Variants in AGBL2 observed in about 807,000 individuals in gnomAD.
AGBL2 encodes cytosolic carboxypeptidase 2.
In AGBL2, 87 loss-of-function variants were observed where a neutral mutation model predicts 103.0. The ratio of observed to expected loss-of-function variants is 0.84; its 90% CI spans 0.71 to 1.01. AGBL2 has a LOEUF of 1.01. AGBL2 is among the 50% of genes least tolerant of loss of function. The pLI, the probability that AGBL2 is intolerant of heterozygous loss-of-function variation, is 0.00. For missense variants in AGBL2, 904 were observed against 1,023.5 expected, an observed-to-expected ratio of 0.88 and a Z score of 1.59; for synonymous variants, 335 against 356.7, an observed-to-expected ratio of 0.94 and a Z score of 0.69.
rs375204404 is a variant in AGBL2, at chr11:47,690,358, G to T, written c.1349C>A (p.Ala450Asp). ...ACTCAAGACCACAGCTTTCTTTGCA[G>T]CTGCCTCTTGAGGGGTCTGGGATGG... ...TNPSQTPQEA[A>D]AKKAVVLSAR... Residue 450 changes from alanine (A) to aspartate (D), a missense_variant, in exon 10 of 19, where the codon GCT (alanine) becomes GAT (aspartate). Coordinates refer to ENST00000525123, the MANE Select transcript of AGBL2 (RefSeq NM_024783.4). The T allele has an allele frequency of 4.3e-6, 7 of 1,614,052 alleles. No individual in the cohort carries two copies. The African/African-American group carries it at 8.0e-5, about 18-fold the overall frequency.
At chr11:47,666,377 G>GTC (rs2097341316) in intron 17 of AGBL2, among the ~76,000 whole-genome samples, 1 of 142,726 alleles carries the variant, frequency 7.0e-6, no homozygotes, top group Admixed American at 7.2e-5. Context: ...GGGTAACAGA[G>GTC]TAAGACTCCA....
Position 47,690,362 on chromosome 11 carries a change from C to T in AGBL2, c.1345G>A (p.Ala449Thr). The change falls in exon 10 of 19, where the codon GCA becomes ACA. Residue 449 changes from alanine (A) to threonine (T), a missense_variant. Physicochemically the swap from Ala to Thr is moderately conservative, Grantham distance 58. Transcript: ENST00000525123. ...ITNPSQTPQE[A>T]AAKKAVVLSA... ...AAGACCACAGCTTTCTTTGCAGCTG[C>T]CTCTTGAGGGGTCTGGGATGGGTTG... 6.2e-7 allele frequency: 1 copy of T among 1,614,008 alleles called. No individual in the cohort carries two copies. The highest frequency in any genetic ancestry group is 8.5e-7 in the Non-Finnish European group (1 of 1,179,946).
chr11:47,660,119 T>C lies in AGBL2; in HGVS notation c.*54A>G. 2 of 1,538,342 alleles carry C rather than the reference T, an allele frequency of 1.3e-6. No individual in the cohort carries two copies. The highest frequency in any genetic ancestry group is 1.8e-6 in the Non-Finnish European group (2 of 1,135,674). On this transcript the variant is annotated 3_prime_UTR_variant, in exon 19 of 19. Transcript: ENST00000525123. Reference sequence around the variant, plus strand: ...CATACATCTCCCCCATTATAAAATGTGTCTAATCTCAAAACCCCCGATGAA... The same window carrying C: ...CATACATCTCCCCCATTATAAAATGCGTCTAATCTCAAAACCCCCGATGAA...
intron 8 of AGBL2, among the ~76,000 whole-genome samples, chr11:47,693,916 G>A (rs1478049474): frequency 1.3e-5 from 2 of 152,130 alleles, no homozygotes; most frequent in African/African-American, 4.8e-5. Flanking sequence ...TTGGCTAGGT[G>A]TAGTGGCTCA....
chr11:47,681,738 G>A (rs1262782784), intron 12 of AGBL2, among the ~76,000 whole-genome samples: 2 of 152,162 alleles, frequency 1.3e-5, no homozygotes, highest in African/African-American at 4.8e-5. Flanking sequence ...GATTACAGGC[G>A]TGAGCCACTG....
At chr11:47,704,798 A>C in intron 6 of AGBL2, 70 bp from the exon 7 acceptor site, 1 of 1,205,302 alleles carries the variant, frequency 8.3e-7, no homozygotes, top group Non-Finnish European at 1.2e-6. Context: ...CTCATCTATA[A>C]CAATGAAACT....
In AGBL2 at chr11:47,690,867, G is replaced by A. The variant is rs2097442485; in HGVS notation, c.849-9C>T. On this transcript the variant is annotated splice_polypyrimidine_tract_variant and intron_variant, in intron 9 of 18. Transcript: ENST00000525123. ...CATACTCATAGGTGTCTCTGTAATGGAGAAAATAGAACAACTCTGTAAGCT... is the reference window on the plus strand; with the variant it reads ...CATACTCATAGGTGTCTCTGTAATGAAGAAAATAGAACAACTCTGTAAGCT... 4 of 1,597,596 alleles carry A rather than the reference G, an allele frequency of 2.5e-6. No homozygotes were observed. Among genetic ancestry groups the A allele is most frequent in the Non-Finnish European group, 3.4e-6 (4 of 1,175,026 alleles).
In AGBL2 at chr11:47,704,229, C is replaced by T. The variant is rs548709121; in HGVS notation, c.586+314G>A. Among the ~76,000 whole-genome samples the T allele has an allele frequency of 4.0e-4, 61 of 151,974 alleles. 1 individual carries two copies. The highest frequency in any genetic ancestry group is 7.9e-4 in the Non-Finnish European group (54 of 67,986). The stretch of plus-strand genomic sequence containing the variant: ...GGGCTTGGTGGCTTATGCCTGTAAT[C>T]CCAGCACTTTGGGAGGCCAAGGTGG... On this transcript the variant is annotated intron_variant, in intron 7 of 18. Transcript: ENST00000525123.
At position 47,682,040 on chromosome 11, in the gene AGBL2, C is replaced by T. The variant is rs964360244; in HGVS notation, c.1844G>A (p.Arg615Gln). ...GATTCCCATCCGCCACATAACAACT[C>T]GTCCTGTTCCTTCTTTGCATTTTTG... ...KVQKCKEGTG[R>Q]VVMWRMGILN... The change falls in exon 12 of 19, where the codon CGA becomes CAA. Residue 615 changes from arginine to glutamine, a missense_variant. Arg to Gln is a conservative substitution (Grantham distance 43, BLOSUM62 1). Coordinates refer to ENST00000525123, the MANE Select transcript of AGBL2 (RefSeq NM_024783.4). 6.8e-6 allele frequency: 11 copies of T among 1,614,024 alleles called. No homozygotes were observed. Among genetic ancestry groups the T allele is most frequent in the South Asian group, 1.1e-5 (1 of 91,086 alleles).
chr11:47,706,678 T>G (rs974259292), intron 4 of AGBL2, among the ~76,000 whole-genome samples: 2 of 151,982 alleles, frequency 1.3e-5, no homozygotes, highest in African/African-American at 4.8e-5. Context: ...GCCCAGGAAT[T>G]TGAGTCCAGC....
chr11:47,706,700 G>A (rs2097521214), intron 4 of AGBL2, among the ~76,000 whole-genome samples: 1 of 151,842 alleles, frequency 6.6e-6, no homozygotes, highest in African/African-American at 2.4e-5. Flanking sequence ...TCAAAAGAAT[G>A]TGTTTTTTGT....
At chr11:47,714,780 A>G in intron 1 of AGBL2, 30 bp from the exon 2 acceptor site, 1 of 944,066 alleles carries the variant, frequency 1.1e-6, no homozygotes, top group Non-Finnish European at 1.7e-6. Flanking sequence ...CAAGTGAAAA[A>G]ACTGCCAATA....
intron 7 of AGBL2, 32 bp downstream of exon 7, chr11:47,704,511 A>G: frequency 6.5e-7 from 1 of 1,534,732 alleles, no homozygotes; most frequent in Non-Finnish European, 8.8e-7. Context: ...GTCAGGCAGA[A>G]TAGCAAGACC....
chr11:47,710,899 G>A, intron 3 of AGBL2: 2 of 386,156 alleles, frequency 5.2e-6, no homozygotes, highest in Non-Finnish European at 9.7e-6. Context: ...GACAGAGCGA[G>A]ATCCTGTCTC....
intron 14 of AGBL2, among the ~76,000 whole-genome samples, chr11:47,674,987 G>A (rs531290871): frequency 6.6e-6 from 1 of 152,128 alleles, no homozygotes; most frequent in South Asian, 2.1e-4. Context: ...GCCAGCCTCG[G>A]CCTCCCAAAG....
chr11:47,714,952 C>A, intron 1 of AGBL2: 1 of 400,006 alleles, frequency 2.5e-6, no homozygotes, highest in Non-Finnish European at 4.6e-6. Context: ...TGGCCCCATG[C>A]TTCCCTTTCC....
chr11:47,665,486 G>A (rs1026647315), intron 17 of AGBL2, among the ~76,000 whole-genome samples: 21 of 151,564 alleles, frequency 1.4e-4, no homozygotes, highest in Middle Eastern at 3.4e-3. Context: ...GTGAGCCACC[G>A]TGCCTGGCCA....
chr11:47,666,924 G>T, intron 17 of AGBL2, 32 bp downstream of exon 17: 1 of 1,334,086 alleles, frequency 7.5e-7, no homozygotes, highest in Non-Finnish European at 1.1e-6. Context: ...TAGAGAATCT[G>T]TGTGACAAAG....
intron 14 of AGBL2, among the ~76,000 whole-genome samples, chr11:47,670,865 T>TA (rs1052665017): frequency 1.3e-5 from 2 of 151,844 alleles, no homozygotes; most frequent in African/African-American, 4.8e-5. Context: ...TGTGGTGGTG[T>TA]ACGCCTATAG....
Sources: allele counts gnomAD v4.1 joint callset (sites outside exome capture counted in the v4.1 genomes callset), GRCh38; gene constraint gnomAD v4.1.1; transcripts MANE v1.5; gene names NCBI Gene and HGNC (gene_info 2026-07-23, HGNC 2026-07-21).